DYNLT2: variants seen among roughly 807,000 people sequenced by gnomAD.
DYNLT2 encodes dynein light chain Tctex-type 2.
A neutral mutation model predicts 24.3 loss-of-function variants in DYNLT2; 24 were observed. That is an observed-to-expected ratio of 0.99 (90% CI 0.71 to 1.39). DYNLT2 has a LOEUF of 1.39. DYNLT2 is among the 40% of genes most tolerant of loss of function. The pLI, the probability that DYNLT2 is intolerant of heterozygous loss-of-function variation, is 0.00. For missense variants in DYNLT2, 246 were observed against 234.5 expected (o/e 1.05, Z -0.32); for synonymous variants, 85 against 85.4 (o/e 1.00, Z 0.03).
Position 169,740,231 on chromosome 6 carries a change from T to C in DYNLT2, c.551A>G (p.Glu184Gly). 1 of 1,614,154 alleles carries C rather than the reference T, an allele frequency of 6.2e-7. No homozygotes were observed. The highest frequency in any genetic ancestry group is 1.1e-5 in the South Asian group (1 of 91,068). Residue 184 changes from glutamate to glycine, a missense_variant, in exon 4 of 4, where the codon GAA becomes GGA. Glu to Gly is a moderately conservative substitution (Grantham distance 98). Transcript: ENST00000366774. ...CACCAAGACCAGTGCCACGTAGGAT[T>C]CTGCTTCGTGTTTAGCTGCGACCCA... ...DSWVAAKHEA[E>G]SYVALVLVFA... is the part of the protein sequence containing the mutation.
the DYNLT2 span, among the ~76,000 whole-genome samples, chr6:169,729,363 C>A: frequency 2.0e-5 from 3 of 152,168 alleles, no homozygotes; most frequent in African/African-American, 7.2e-5. Context: ...CTAATCACAT[C>A]TAATTTCATT....
downstream of DYNLT2, chr6:169,740,049 A>G (rs917963450): frequency 1.7e-5 from 10 of 602,372 alleles, no homozygotes; most frequent in African/African-American, 7.4e-5. Context: ...CTTTGTTGTT[A>G]AAATAATACA....
At chr6:169,751,271 C>G in intron 1 of DYNLT2, 68 bp downstream of exon 1, 8 of 1,552,898 alleles carry the variant, frequency 5.2e-6, no homozygotes, top group Non-Finnish European at 7.0e-6. Flanking sequence ...GCGGGGCCCA[C>G]TGGGGAGCGA....
At chr6:169,725,983 C>A in the DYNLT2 span, 1 of 152,234 alleles carries the variant, frequency 6.6e-6, no homozygotes, top group Non-Finnish European at 1.5e-5. Context: ...CCTCGTTTTT[C>A]CTTTTAAACC....
chr6:169,739,673 A>C (rs1241554037), downstream of DYNLT2, among the ~76,000 whole-genome samples: 1 of 152,228 alleles, frequency 6.6e-6, no homozygotes, highest in Non-Finnish European at 1.5e-5. Context: ...ACTTGTAAGC[A>C]GTTTGGCTGG....
rs746761668 is a variant in DYNLT2, at chr6:169,743,156, A to G, written c.410T>C (p.Val137Ala). Residue 137 changes from valine to alanine, a missense_variant, in exon 3 of 4, where the codon GTC (valine) becomes GCC (alanine). By Grantham distance (64) the Val-to-Ala change is moderately conservative (BLOSUM62 0). Transcript: ENST00000366774. ...ATAACGGTGGTACCCAAATTCTTTG[A>G]CTGCTAACAGTATGCGGTCTGCCAA... is the stretch of plus-strand genomic sequence containing the variant. ...LELADRILLA[V>A]KEFGYHRYKF... 1 of 1,580,476 alleles carries G rather than the reference A, an allele frequency of 6.3e-7. No homozygotes were observed. The highest frequency in any genetic ancestry group is 8.6e-7 in the Non-Finnish European group (1 of 1,157,848).
chr6:169,730,643 C>T, the DYNLT2 span, among the ~76,000 whole-genome samples: 3 of 152,162 alleles, frequency 2.0e-5, no homozygotes, highest in East Asian at 3.9e-4. Context: ...GCCTGTAATC[C>T]CAGCACTTTG....
At chr6:169,725,598 T>G in the DYNLT2 span, 1 of 327,360 alleles carries the variant, frequency 3.1e-6, no homozygotes, top group African/African-American at 2.1e-5. Flanking sequence ...ATCTTTCAGC[T>G]AAATTCTTTT....
chr6:169,750,791 T>G (rs1789991215), intron 1 of DYNLT2: 1 of 152,296 alleles, frequency 6.6e-6, no homozygotes, highest in African/African-American at 2.4e-5. Flanking sequence ...TAATGACCCT[T>G]TCCATCAATA....
In DYNLT2 at chr6:169,751,462, GCT is replaced by G. The variant is rs1400788076; in HGVS notation, c.-6_-5del. The G allele has an allele frequency of 6.2e-7, 1 of 1,613,414 alleles. No individual in the cohort carries two copies. The highest frequency in any genetic ancestry group is 1.3e-5 in the African/African-American group (1 of 74,904). On this transcript the variant is annotated 5_prime_UTR_variant, in exon 1 of 4. Coordinates refer to ENST00000366774, the MANE Select transcript of DYNLT2 (RefSeq NM_174910.3). ...CGCCTCGGCCTCGCTTCTCCATCTCGCTCTGTTCTCCAAGACGCCCACCGCCT... is the reference window on the plus strand; with the variant it reads ...CGCCTCGGCCTCGCTTCTCCATCTCGCTGTTCTCCAAGACGCCCACCGCCT...
chr6:169,746,923 G>A (rs942368276), intron 1 of DYNLT2, among the ~76,000 whole-genome samples: 8 of 150,120 alleles, frequency 5.3e-5, no homozygotes, highest in African/African-American at 1.9e-4. Context: ...GCTGGAGTGA[G>A]GTCACAGAGC....
chr6:169,732,717 CTATTGTGAA>C, the DYNLT2 span, among the ~76,000 whole-genome samples: 2 of 152,168 alleles, frequency 1.3e-5, no homozygotes, highest in Non-Finnish European at 2.9e-5. Context: ...CATGTCTTTG[CTATTGTGAA>C]TAGTGCTGAA....
At chr6:169,743,992 T>G in intron 2 of DYNLT2, 76 bp downstream of exon 2, 1 of 1,396,168 alleles carries the variant, frequency 7.2e-7, no homozygotes, top group Admixed American at 1.9e-5. Context: ...TGGAATAAAT[T>G]TCTTCGTATA....
At chr6:169,733,002 T>C in the DYNLT2 span, among the ~76,000 whole-genome samples, 1 of 152,376 alleles carries the variant, frequency 6.6e-6, no homozygotes, top group South Asian at 2.1e-4. Context: ...TGGTATCTCA[T>C]TGTGGTTTTG....
chr6:169,744,790 A>AT (rs1440827970), intron 1 of DYNLT2, among the ~76,000 whole-genome samples: 1 of 152,240 alleles, frequency 6.6e-6, no homozygotes, highest in Non-Finnish European at 1.5e-5. Context: ...TTGATTTGAT[A>AT]TATATATCAG....
downstream of DYNLT2, among the ~76,000 whole-genome samples, chr6:169,738,066 G>A (rs1461189418): frequency 6.6e-6 from 1 of 152,174 alleles, no homozygotes; most frequent in African/African-American, 2.4e-5. Flanking sequence ...AGTTAGACCT[G>A]AAGAGGCACT....
At chr6:169,747,049 G>A (rs1789824149) in intron 1 of DYNLT2, among the ~76,000 whole-genome samples, 2 of 151,258 alleles carry the variant, frequency 1.3e-5, no homozygotes, top group South Asian at 4.2e-4. Flanking sequence ...AAGGAAGCTG[G>A]AAGTCTTACC....
rs370588590 is a variant in DYNLT2 at position 169,747,821 on chromosome 6, G to T, written c.120+3518C>A. Among the ~76,000 whole-genome samples, 35 of 151,936 alleles carry T rather than the reference G, an allele frequency of 2.3e-4. No individual in the cohort carries two copies. In the South Asian group the frequency reaches 4.2e-3, roughly 18 times the overall value. Reference sequence around the variant, plus strand: ...AACTTTATTTTCGTGCTTTTCTGTAGGTCTATTAATATTTAAAGACCAGAC... The same window carrying T: ...AACTTTATTTTCGTGCTTTTCTGTATGTCTATTAATATTTAAAGACCAGAC... On this transcript the variant is annotated intron_variant, in intron 1 of 3. Transcript: ENST00000366774.
At chr6:169,731,380 T>TA in the DYNLT2 span, among the ~76,000 whole-genome samples, 2 of 152,186 alleles carry the variant, frequency 1.3e-5, no homozygotes, top group Non-Finnish European at 2.9e-5. Flanking sequence ...CAAAGACTGA[T>TA]ACAAAGTTAT....
Sources: gnomAD v4.1 joint callset for allele counts (sites outside exome capture counted in the v4.1 genomes callset) on GRCh38, gnomAD v4.1.1 for gene constraint, MANE v1.5 for transcripts, NCBI Gene and HGNC (gene_info 2026-07-23, HGNC 2026-07-21) for gene names.